The following MYO7B variants were observed in gnomAD, a reference collection of about 807,000 sequenced individuals.
MYO7B encodes the protein unconventional myosin-VIIb.
Under a neutral mutation model 259.7 loss-of-function variants are expected in MYO7B, and 212 were observed. The observed-to-expected ratio is 0.82, with a 90% CI of 0.73 to 0.91. The LOEUF (loss-of-function observed/expected upper bound fraction) is 0.91, where lower values mean the gene tolerates loss of function less well. MYO7B is among the 40% of genes least tolerant of loss of function. The pLI is 0.00. For missense variants in MYO7B, 2,732 were observed against 2,813.5 expected (o/e 0.97, Z 0.66); for synonymous variants, 1,197 against 1,166.4 (o/e 1.03, Z -0.54).
chr2:127,591,352 G>T (rs1223224257), intron 16 of MYO7B, among the ~76,000 whole-genome samples: 1 of 152,228 alleles, frequency 6.6e-6, no homozygotes, highest in African/African-American at 2.4e-5. Context: ...CTTGGGAGCT[G>T]GGAGTTGCAG....
intron 5 of MYO7B, 148 bp from the exon 6 acceptor site, chr2:127,569,641 G>A: frequency 9.9e-7 from 1 of 1,008,532 alleles, no homozygotes; most frequent in Non-Finnish European, 1.4e-6. Flanking sequence ...GGGATTTCAG[G>A]GCTTCAGTGC....
rs776918854 is a variant in MYO7B, at chr2:127,566,670, G to A, written c.313G>A (p.Val105Ile). The change falls in exon 5 of 48, where the codon GTC (valine) becomes ATC (isoleucine). Residue 105 changes from valine (V) to isoleucine (I), a missense_variant. This residue lies in a region of MYO7B where 1,906 missense variants were observed against 2,026.4 expected (regional missense o/e 0.94). Coordinates refer to ENST00000409816, the MANE Select transcript of MYO7B (RefSeq NM_001393586.1). Reference protein sequence around the residue: ...YTYTGSILVAVNPFQVLPLYT... With the variant: ...YTYTGSILVAINPFQVLPLYT... ...ATACACAGGCTCCATCCTGGTGGCC[G>A]TCAACCCGTTCCAGGTGCTGCCGCT... is the stretch of plus-strand genomic sequence containing the variant. 2.4e-5 allele frequency: 38 copies of A among 1,597,868 alleles called. No individual in the cohort carries two copies. Among genetic ancestry groups the A allele is most frequent in the Non-Finnish European group, 2.8e-5 (33 of 1,173,304 alleles).
In MYO7B at chr2:127,588,442, G is replaced by A. The variant is rs947174362; in HGVS notation, c.1741G>A (p.Val581Ile). ...GCTGAGCACAGATATCCTCACCCTGGTTTACTCCTCCAAAAACAAGTTTCT... is the reference window on the plus strand; with the variant it reads ...GCTGAGCACAGATATCCTCACCCTGATTTACTCCTCCAAAAACAAGTTTCT... ...DVLSTDILTL[V>I]YSSKNKFLRE... The change falls in exon 15 of 48, where the codon GTT becomes ATT. Residue 581 changes from valine (V) to isoleucine (I), a missense_variant. Val to Ile is a conservative substitution (Grantham distance 29). Coordinates refer to ENST00000409816, the MANE Select transcript of MYO7B (RefSeq NM_001393586.1). 10 of 1,613,074 alleles carry A rather than the reference G, an allele frequency of 6.2e-6. No homozygotes were observed. The highest frequency in any genetic ancestry group is 3.3e-4 in the Middle Eastern group (2 of 6,078).
rs1679276954 is a variant in MYO7B, at chr2:127,585,687, T to C, written c.1690+774T>C. Among the ~76,000 whole-genome samples the C allele has an allele frequency of 6.6e-6, 1 of 152,202 alleles. No individual in the cohort carries two copies. Among genetic ancestry groups the C allele is most frequent in the Non-Finnish European group, 1.5e-5 (1 of 68,024 alleles). ...TCCAAAGCGGCTGTATGATTTTACATTCCCACTAGCAATGTATGAGGACTC... is the reference window on the plus strand; with the variant it reads ...TCCAAAGCGGCTGTATGATTTTACACTCCCACTAGCAATGTATGAGGACTC... On this transcript the variant is annotated intron_variant, in intron 14 of 47. Transcript: ENST00000409816. The surrounding 1 kb of genome is among the most constrained non-coding windows in gnomAD (Gnocchi z 4.3).
In MYO7B at chr2:127,579,755, T is replaced by C. The variant is rs1679026581; in HGVS notation, c.1004-991T>C. Among the ~76,000 whole-genome samples the C allele has an allele frequency of 7.2e-5, 11 of 152,118 alleles. 1 individual carries two copies. The South Asian group carries it at 2.3e-3, about 32-fold the overall frequency. On this transcript the variant is annotated intron_variant, in intron 9 of 47. Coordinates refer to ENST00000409816, the MANE Select transcript of MYO7B (RefSeq NM_001393586.1). ...GGTCTGCCACCACAGCCTGGCTAAT[T>C]TTGTATTTTTAGTAAAGATGGGGTT...
chr2:127,631,478 C>T, intron 37 of MYO7B, 115 bp downstream of exon 37: 3 of 1,539,950 alleles, frequency 1.9e-6, no homozygotes, highest in Non-Finnish European at 2.6e-6. Context: ...ATCTGAGAAA[C>T]CTGGAGTGGC....
In MYO7B at chr2:127,628,945, C is replaced by T. The variant is rs1317492995; in HGVS notation, c.4624+410C>T. Among the ~76,000 whole-genome samples the T allele has an allele frequency of 6.6e-6, 1 of 152,246 alleles. No individual in the cohort carries two copies. Among genetic ancestry groups the T allele is most frequent in the East Asian group, 1.9e-4 (1 of 5,192 alleles). ...TGGAAGTAGCTCACCCAGGGTCACA[C>T]AGCTCAAGGGGGTGGGAGCCTAGTT... On this transcript the variant is annotated intron_variant, in intron 34 of 47. Transcript: ENST00000409816. The surrounding 1 kb of genome is among the most constrained non-coding windows in gnomAD (Gnocchi z 4.8).
chr2:127,601,435 GC>G (rs1679960635), intron 19 of MYO7B, among the ~76,000 whole-genome samples: 1 of 151,938 alleles, frequency 6.6e-6, no homozygotes, highest in Non-Finnish European at 1.5e-5. Flanking sequence ...TTGTGGATTT[GC>G]CTTTTCCATT....
At chr2:127,561,684 TAAG>T (rs2104852946) in intron 2 of MYO7B, among the ~76,000 whole-genome samples, 1 of 152,248 alleles carries the variant, frequency 6.6e-6, no homozygotes, top group Non-Finnish European at 1.5e-5. Context: ...TTTCAACAGA[TAAG>T]AAAGTTAAGG....
At chr2:127,634,871 TTGGAGTGA>T (rs1226253078) in intron 42 of MYO7B, 188 bp downstream of exon 42, 1 of 659,234 alleles carries the variant, frequency 1.5e-6, no homozygotes, top group Admixed American at 2.6e-5. Flanking sequence ...TGGCTGCACC[TTGGAGTGA>T]TGAAGGATGC....
Position 127,630,824 on chromosome 2 carries a change from A to T in MYO7B, c.4853A>T (p.Glu1618Val). Residue 1618 changes from glutamate to valine, a missense_variant, in exon 36 of 48, where the codon GAG (glutamate) becomes GTG (valine). This residue lies in a region of MYO7B where 821 missense variants were observed against 769.3 expected (regional missense o/e 1.07). Transcript: ENST00000409816. Reference sequence around the variant, plus strand: ...GAGAAGAGGAAGCTGGCGGCTCAGGAGGGGCAGTTCACAGAGCCACGTCCT... The same window carrying T: ...GAGAAGAGGAAGCTGGCGGCTCAGGTGGGGCAGTTCACAGAGCCACGTCCT... Reference protein sequence around the residue: ...SPEKRKLAAQEGQFTEPRPEE... With the variant: ...SPEKRKLAAQVGQFTEPRPEE... 5.0e-6 allele frequency: 8 copies of T among 1,613,028 alleles called. No individual in the cohort carries two copies. The highest frequency in any genetic ancestry group is 6.8e-6 in the Non-Finnish European group (8 of 1,179,766).
rs757581563 is a variant in MYO7B, at chr2:127,624,315, G to A, written c.4042G>A (p.Glu1348Lys). 2.6e-5 allele frequency: 41 copies of A among 1,571,394 alleles called. No homozygotes were observed. The highest frequency in any genetic ancestry group is 1.7e-4 in the Middle Eastern group (1 of 6,036). Residue 1348 changes from glutamate to lysine, a missense_variant, in exon 30 of 48, where the codon GAG becomes AAG. Glu to Lys is a moderately conservative substitution (Grantham distance 56, BLOSUM62 1). Around this residue, in one of 3 missense-constraint regions of MYO7B, gnomAD observed 1,906 missense variants for 2,026.4 expected, o/e 0.94. Coordinates refer to ENST00000409816, the MANE Select transcript of MYO7B (RefSeq NM_001393586.1). ...AGTCTGGTCTGGCGAGTACAGCTTC[G>A]AGAAGGTGAGGGGCCTGAGAGCCAG... ...RGVWSGEYSF[E>K]KEEELVELLA...
intron 26 of MYO7B, among the ~76,000 whole-genome samples, chr2:127,617,519 G>A (rs144007233): frequency 0.089 from 8,443 of 95,062 alleles, 427 homozygotes; most frequent in Middle Eastern, 0.24. Context: ...TTTTTGAGAC[G>A]GAGTCTCGCT....
chr2:127,625,661 C>T, intron 31 of MYO7B, 126 bp downstream of exon 31: 2 of 1,085,164 alleles, frequency 1.8e-6, no homozygotes, highest in Admixed American at 3.4e-5. Flanking sequence ...CAACAAGCCT[C>T]AGCTTGACAG....
rs1680490986 is a variant in MYO7B, at chr2:127,614,264, TC to T, written c.3398+1662del. 6.6e-6 allele frequency among the ~76,000 whole-genome samples: 1 copy of T among 152,138 alleles called. No homozygotes were observed. The highest frequency in any genetic ancestry group is 2.1e-4 in the South Asian group (1 of 4,828). On this transcript the variant is annotated intron_variant, in intron 26 of 47. Transcript: ENST00000409816. This position sits in a 1 kb window ranked among gnomAD's most constrained non-coding sequence, Gnocchi z 4.6. The stretch of plus-strand genomic sequence containing the variant: ...TGATCCCTTGAGACTTCCTACTGAC[TC>T]TAGGCTGAAGTGGAACATCCCACAG...
chr2:127,637,223 C>T (rs1243970178), intron 47 of MYO7B, 93 bp from the exon 48 acceptor site: 3 of 1,017,454 alleles, frequency 2.9e-6, no homozygotes, highest in Non-Finnish European at 4.5e-6. Flanking sequence ...CCCTGCACTG[C>T]TGGTTGCTGA....
At position 127,610,217 on chromosome 2, in the gene MYO7B, C is replaced by T. The variant is rs573383475; in HGVS notation, c.3192+201C>T. Among the ~76,000 whole-genome samples, 64 of 152,272 alleles carry T rather than the reference C, an allele frequency of 4.2e-4. 1 individual carries two copies. Among genetic ancestry groups the T allele is most frequent in the African/African-American group, 1.4e-3 (59 of 41,542 alleles). ...TGTTCAGGAGCTCATGAATCCCCAT[C>T]CCGGGCTTTTTGAATTATACAGTCA... On this transcript the variant is annotated intron_variant, in intron 24 of 47. Transcript: ENST00000409816.
At chr2:127,620,220 G>A in intron 26 of MYO7B, 120 bp from the exon 27 acceptor site, 1 of 1,232,302 alleles carries the variant, frequency 8.1e-7, no homozygotes, top group Non-Finnish European at 1.1e-6. Flanking sequence ...CCCCGGCGCT[G>A]GAGAGGTGCC....
At chr2:127,608,334 T>C (rs1174124720) in intron 21 of MYO7B, among the ~76,000 whole-genome samples, 1 of 152,196 alleles carries the variant, frequency 6.6e-6, no homozygotes, top group Non-Finnish European at 1.5e-5. Flanking sequence ...TGGGGACCTG[T>C]CCTGGTGGAC....
Sources: gnomAD v4.1 joint callset for allele counts (sites outside exome capture counted in the v4.1 genomes callset) on GRCh38, gnomAD v4.1.1 for gene constraint, gnomAD v4.1.1 regional missense constraint, Gnocchi (gnomAD v3.1) non-coding constraint, MANE v1.5 for transcripts, NCBI Gene and HGNC (gene_info 2026-07-23, HGNC 2026-07-21) for gene names.